The following CSMD1 variants were observed in gnomAD, a reference collection of about 807,000 sequenced individuals.
CSMD1 encodes CUB and sushi domain-containing protein 1.
A neutral mutation model predicts 417.5 loss-of-function variants in CSMD1; 213 were observed. The ratio of observed to expected loss-of-function variants is 0.51; its 90% confidence interval spans 0.46 to 0.57. The LOEUF is 0.57. Ranked by LOEUF, CSMD1 falls within the 20% of genes least tolerant of loss-of-function variation. CSMD1 has a pLI of 0.00. For missense variants in CSMD1, 6,923 were observed against 4,529.7 expected (o/e 1.53, Z -15.17); for synonymous variants, 2,862 against 1,736.8 (o/e 1.65, Z -16.11).
At chr8:3,556,516 GCACA>G (rs71708244) in intron 10 of CSMD1, among the ~76,000 whole-genome samples, 5,634 of 137,620 alleles carry the variant, frequency 0.041, 190 homozygotes, top group East Asian at 0.18. Flanking sequence ...TTTTTCACAC[GCACA>G]CACACACACA....
At position 4,921,011 on chromosome 8, in the gene CSMD1, GAAAA is replaced by G. The variant is rs1394306640; in HGVS notation, c.85+73317_85+73320del. Reference sequence around the variant, plus strand: ...GAAAGAAAGAAAAGAAAGAAAGAAAGAAAAGAAAGAAAGGAAGAAAGAAAGGAAG... The same window carrying G: ...GAAAGAAAGAAAAGAAAGAAAGAAAGGAAAGAAAGGAAGAAAGAAAGGAAG... On this transcript the variant is annotated intron_variant, in intron 1 of 69. Transcript: ENST00000635120. Among the ~76,000 whole-genome samples, 4 of 9,314 alleles carry G rather than the reference GAAAA, an allele frequency of 4.3e-4. No individual in the cohort carries two copies. In the South Asian group the frequency reaches 7.6e-3, roughly 18 times the overall value. The allele number at this position is 9,314 out of a possible 152,430, so 6.1% of individuals were successfully genotyped here. A position where few individuals can be genotyped will look rare whatever the true frequency, so the allele number is the denominator to read the frequency against.
chr8:4,306,207 C>G (rs946176523), intron 3 of CSMD1, among the ~76,000 whole-genome samples: 1 of 152,186 alleles, frequency 6.6e-6, no homozygotes. Context: ...CTAGTGTGCT[C>G]TTCAGAAAAG....
intron 7 of CSMD1, among the ~76,000 whole-genome samples, chr8:3,693,353 AG>A (rs1246694304): frequency 6.6e-6 from 1 of 152,254 alleles, no homozygotes; most frequent in Non-Finnish European, 1.5e-5. Context: ...CAGATGTCCA[AG>A]AAATGATAAA....
intron 3 of CSMD1, among the ~76,000 whole-genome samples, chr8:4,099,143 G>C (rs1159484349): frequency 6.6e-6 from 1 of 150,698 alleles, no homozygotes; most frequent in Non-Finnish European, 1.5e-5. Context: ...CCTTCTTTCA[G>C]GCCCCAACCA....
At chr8:4,274,925 C>G (rs1284348063) in intron 3 of CSMD1, among the ~76,000 whole-genome samples, 1 of 152,132 alleles carries the variant, frequency 6.6e-6, no homozygotes, top group East Asian at 1.9e-4. Flanking sequence ...GTGTCTTGGC[C>G]ACATTCATAT....
At chr8:4,673,147 GA>G in intron 1 of CSMD1, among the ~76,000 whole-genome samples, 1 of 152,004 alleles carries the variant, frequency 6.6e-6, no homozygotes, top group African/African-American at 2.4e-5. Flanking sequence ...ACATTGAGGG[GA>G]AAAAGGGATT....
chr8:3,877,062 C>T (rs182206925), intron 5 of CSMD1, among the ~76,000 whole-genome samples: 110 of 152,326 alleles, frequency 7.2e-4, no homozygotes, highest in Non-Finnish European at 1.3e-3. Flanking sequence ...GTCGTAACCA[C>T]AATGTCTTAA....
intron 10 of CSMD1, among the ~76,000 whole-genome samples, chr8:3,499,356 C>T (rs1309293897): frequency 6.6e-6 from 1 of 151,814 alleles, no homozygotes; most frequent in Non-Finnish European, 1.5e-5. Flanking sequence ...TTTGGGGTGG[C>T]CTTGTTTTGG....
rs2117194199 is a variant in CSMD1 at position 3,277,405 on chromosome 8, G to GTGGCT, written c.4153+6738_4153+6739insAGCCA. Among the ~76,000 whole-genome samples the GTGGCT allele has an allele frequency of 2.0e-5, 3 of 152,286 alleles. No homozygotes were observed. The East Asian group carries it at 5.8e-4, about 29-fold the overall frequency. The stretch of plus-strand genomic sequence containing the variant: ...GAAGGAAGCCCGTGAGCAAGGCAGG[G>GTGGCT]CAGCTCAGACCCCCAGCGGCGTAGA... On this transcript the variant is annotated intron_variant, in intron 26 of 69. Coordinates refer to ENST00000635120, the MANE Select transcript of CSMD1 (RefSeq NM_033225.6).
intron 3 of CSMD1, among the ~76,000 whole-genome samples, chr8:4,044,035 AC>A (rs144698317): frequency 0.27 from 41,656 of 151,912 alleles, 5,858 homozygotes; most frequent in African/African-American, 0.31. Flanking sequence ...TTAAAAAAAA[AC>A]GCTGAATAAT....
chr8:4,201,258 G>GC (rs1799627206), intron 3 of CSMD1, among the ~76,000 whole-genome samples: 1 of 152,194 alleles, frequency 6.6e-6, no homozygotes, highest in Admixed American at 6.5e-5. Flanking sequence ...AAAATTCAGG[G>GC]CCGGGCGCAG....
intron 5 of CSMD1, among the ~76,000 whole-genome samples, chr8:3,803,632 C>A (rs1265784472): frequency 2.0e-5 from 3 of 152,066 alleles, no homozygotes; most frequent in African/African-American, 7.2e-5. Context: ...AACATTTGAG[C>A]CTGGAAGGAG....
intron 12 of CSMD1, among the ~76,000 whole-genome samples, chr8:3,466,831 T>C (rs1816817543): frequency 6.6e-6 from 1 of 152,210 alleles, no homozygotes; most frequent in Admixed American, 6.5e-5. Context: ...TTGCACTTTG[T>C]CTTCAACTGT....
chr8:3,611,272 G>A (rs2449240), intron 8 of CSMD1, among the ~76,000 whole-genome samples: 102,807 of 151,536 alleles, frequency 0.68, 35,636 homozygotes, highest in Non-Finnish European at 0.77. Context: ...GAAAGTCCTT[G>A]AGGGAGCAGG....
At position 4,440,244 on chromosome 8, in the gene CSMD1, A is replaced by G. The variant is rs187752633; in HGVS notation, c.303-20179T>C. ...CCTACCTATATGTGCATGTGCACCTATACATATTGTATATATTTATAAGAT... is the reference window on the plus strand; with the variant it reads ...CCTACCTATATGTGCATGTGCACCTGTACATATTGTATATATTTATAAGAT... On this transcript the variant is annotated intron_variant, in intron 2 of 69. Coordinates refer to ENST00000635120, the MANE Select transcript of CSMD1 (RefSeq NM_033225.6). Among the ~76,000 whole-genome samples, 21 of 152,310 alleles carry G rather than the reference A, an allele frequency of 1.4e-4. 1 individual carries two copies. In the East Asian group the frequency reaches 2.1e-3, roughly 15 times the overall value.
chr8:3,504,907 C>T (rs774953361), intron 10 of CSMD1, among the ~76,000 whole-genome samples: 3 of 151,806 alleles, frequency 2.0e-5, no homozygotes, highest in Non-Finnish European at 2.9e-5. Flanking sequence ...CAGAACCCGT[C>T]AAAATGCCAG....
At chr8:4,204,364 G>C (rs1489987122) in intron 3 of CSMD1, among the ~76,000 whole-genome samples, 1 of 151,804 alleles carries the variant, frequency 6.6e-6, no homozygotes, top group East Asian at 1.9e-4. Context: ...TGAGCAAACT[G>C]ACAACATCAT....
At chr8:4,557,891 A>G (rs1798167202) in intron 2 of CSMD1, among the ~76,000 whole-genome samples, 1 of 152,174 alleles carries the variant, frequency 6.6e-6, no homozygotes, top group Non-Finnish European at 1.5e-5. Context: ...CAGTGTAAAG[A>G]TGACGTGTTC....
At chr8:3,140,051 T>C (rs2129030538) in intron 41 of CSMD1, among the ~76,000 whole-genome samples, 1 of 152,054 alleles carries the variant, frequency 6.6e-6, no homozygotes, top group South Asian at 2.1e-4. Context: ...TACAGGCGCC[T>C]GCCATCATGT....
Sources: gnomAD v4.1 joint callset for allele counts (sites outside exome capture counted in the v4.1 genomes callset) on GRCh38, gnomAD v4.1.1 for gene constraint, MANE v1.5 for transcripts, NCBI Gene and HGNC (gene_info 2026-07-23, HGNC 2026-07-21) for gene names.